SLC35F1: variants seen among roughly 807,000 people sequenced by gnomAD.
SLC35F1 encodes the protein solute carrier family 35 member F1, also known as chromosome 6 open reading frame 169.
A neutral mutation model predicts 48.7 loss-of-function variants in SLC35F1; 14 were observed. The ratio of observed to expected loss-of-function variants is 0.29; its 90% CI spans 0.19 to 0.45. The LOEUF (loss-of-function observed/expected upper bound fraction) is 0.45, where lower values mean the gene tolerates loss of function less well. SLC35F1 is among the 20% of genes least tolerant of loss of function. The probability of loss-of-function intolerance (pLI) is 1.00; values close to 1 mark genes in which losing one functional copy is unlikely to be tolerated. For synonymous variants in SLC35F1, 190 were observed against 202.2 expected (o/e 0.94, Z 0.51); for missense variants, 404 against 500.0 (o/e 0.81, Z 1.83).
chr6:117,921,706 G>T (rs1775901777), intron 1 of SLC35F1, among the ~76,000 whole-genome samples: 1 of 152,178 alleles, frequency 6.6e-6, no homozygotes, highest in South Asian at 2.1e-4. Flanking sequence ...GAACTCATTT[G>T]TGTCCAAAGC....
chr6:117,998,708 A>G (rs1777038583), intron 1 of SLC35F1, among the ~76,000 whole-genome samples: 1 of 152,246 alleles, frequency 6.6e-6, no homozygotes, highest in Non-Finnish European at 1.5e-5. Context: ...GCAGAAATAA[A>G]GATGTTCTTT....
chr6:118,115,773 G>A (rs1450714725), intron 1 of SLC35F1, among the ~76,000 whole-genome samples: 5 of 152,162 alleles, frequency 3.3e-5, no homozygotes, highest in African/African-American at 1.2e-4. Flanking sequence ...TTATGTAAGA[G>A]TGAATACATG....
At chr6:118,159,657 T>C (rs1051782570) in intron 2 of SLC35F1, among the ~76,000 whole-genome samples, 2 of 152,164 alleles carry the variant, frequency 1.3e-5, no homozygotes, top group African/African-American at 4.8e-5. Context: ...GAGGACAGAC[T>C]GGGGTCCAAT....
rs569905634 is a variant in SLC35F1, at chr6:118,314,503, G to C, written c.*251G>C. 1 of 484,618 alleles carries C rather than the reference G, an allele frequency of 2.1e-6. No homozygotes were observed. The highest frequency in any genetic ancestry group is 3.3e-5 in the Admixed American group (1 of 30,440). The allele number at this position is 484,618 out of a possible 1,614,324, so 30.0% of individuals were successfully genotyped here. On this transcript the variant is annotated 3_prime_UTR_variant, in exon 8 of 8. Coordinates refer to ENST00000360388, the MANE Select transcript of SLC35F1 (RefSeq NM_001029858.4). ...TCACAACTCCCCTGCATTCATTACT[G>C]TGAAAATTTTTGAATCAAAAGCAAG...
intron 1 of SLC35F1, among the ~76,000 whole-genome samples, chr6:117,938,272 A>G (rs1455773289): frequency 1.3e-5 from 2 of 152,214 alleles, no homozygotes; most frequent in African/African-American, 4.8e-5. Flanking sequence ...ATAAGTAAAT[A>G]TCACTAAAAT....
At chr6:118,182,515 AGAGAGAAGGAAGGAAG>A (rs1774593503) in intron 2 of SLC35F1, among the ~76,000 whole-genome samples, 1 of 58,798 alleles carries the variant, frequency 1.7e-5, no homozygotes, top group African/African-American at 4.6e-5. Context: ...AGAGAGAGAG[AGAGAGAAGGAAGGAAG>A]GAAGGAAGGA....
chr6:118,200,997 C>T (rs541987466), intron 2 of SLC35F1, among the ~76,000 whole-genome samples: 6 of 152,214 alleles, frequency 3.9e-5, no homozygotes, highest in South Asian at 2.1e-4. Flanking sequence ...GCAATCTTCC[C>T]GCCTCAACCT....
chr6:118,147,058 A>T (rs1328522041), intron 1 of SLC35F1, among the ~76,000 whole-genome samples: 2 of 152,166 alleles, frequency 1.3e-5, no homozygotes, highest in East Asian at 3.9e-4. Flanking sequence ...CGCAAGGAGC[A>T]GGATTGAGGA....
At chr6:117,977,350 C>T (rs1205665665) in intron 1 of SLC35F1, among the ~76,000 whole-genome samples, 3 of 151,956 alleles carry the variant, frequency 2.0e-5, no homozygotes, top group Non-Finnish European at 4.4e-5. Context: ...TGCTGAACTA[C>T]TTTCTAGAAA....
At chr6:118,097,451 C>T (rs1562289383) in intron 1 of SLC35F1, among the ~76,000 whole-genome samples, 1 of 152,132 alleles carries the variant, frequency 6.6e-6, no homozygotes, top group Non-Finnish European at 1.5e-5. Flanking sequence ...CCTTTTTCCT[C>T]CTTATTTTGA....
At chr6:118,128,685 T>C (rs1472572454) in intron 1 of SLC35F1, among the ~76,000 whole-genome samples, 1 of 151,744 alleles carries the variant, frequency 6.6e-6, no homozygotes, top group African/African-American at 2.4e-5. Context: ...GGGGGAGGGA[T>C]AGCATTAGGA....
intron 2 of SLC35F1, among the ~76,000 whole-genome samples, chr6:118,225,887 A>AAC (rs1353002749): frequency 6.6e-6 from 1 of 151,814 alleles, no homozygotes; most frequent in Non-Finnish European, 1.5e-5. Flanking sequence ...AAAAAAAAAA[A>AAC]AAAATCTTCA....
At chr6:118,155,179 C>G (rs932898012) in intron 2 of SLC35F1, among the ~76,000 whole-genome samples, 1 of 152,148 alleles carries the variant, frequency 6.6e-6, no homozygotes, top group African/African-American at 2.4e-5. Flanking sequence ...AGAGCCAATG[C>G]AAGAAAACCT....
At chr6:117,932,922 T>C (rs751248400) in intron 1 of SLC35F1, among the ~76,000 whole-genome samples, 63 of 152,172 alleles carry the variant, frequency 4.1e-4, no homozygotes, top group Non-Finnish European at 2.2e-4. Flanking sequence ...CTGATAGACT[T>C]CTCGGAAGTT....
intron 3 of SLC35F1, among the ~76,000 whole-genome samples, chr6:118,254,148 T>A (rs1160511657): frequency 6.6e-6 from 1 of 152,074 alleles, no homozygotes; most frequent in Admixed American, 6.5e-5. Flanking sequence ...AAATGTGTGT[T>A]CATTGGCAGC....
intron 2 of SLC35F1, among the ~76,000 whole-genome samples, chr6:118,225,570 C>T (rs1004875952): frequency 3.3e-5 from 5 of 152,200 alleles, no homozygotes; most frequent in South Asian, 2.1e-4. Context: ...TATTCCAGGA[C>T]GTTGCTCTAG....
At chr6:117,918,227 G>A (rs1363988164) in intron 1 of SLC35F1, among the ~76,000 whole-genome samples, 2 of 151,662 alleles carry the variant, frequency 1.3e-5, no homozygotes, top group African/African-American at 4.8e-5. Flanking sequence ...TCTTTTAATG[G>A]GAGAGATAAT....
intron 1 of SLC35F1, among the ~76,000 whole-genome samples, chr6:118,117,892 T>G (rs1773495330): frequency 6.6e-6 from 1 of 152,208 alleles, no homozygotes; most frequent in African/African-American, 2.4e-5. Context: ...TTCATCCGTG[T>G]TGTTGTATGC....
intron 2 of SLC35F1, among the ~76,000 whole-genome samples, chr6:118,198,977 T>G (rs992232986): frequency 6.6e-6 from 1 of 152,124 alleles, no homozygotes; most frequent in Non-Finnish European, 1.5e-5. Context: ...AAGCCTAGGA[T>G]CCATGGTGAG....
Sources: gnomAD v4.1 joint callset for allele counts (sites outside exome capture counted in the v4.1 genomes callset) on GRCh38, gnomAD v4.1.1 for gene constraint, MANE v1.5 for transcripts, NCBI Gene and HGNC (gene_info 2026-07-23, HGNC 2026-07-21) for gene names.